The following B3GALT4 variants were observed in gnomAD, a reference collection of about 807,000 sequenced individuals.
B3GALT4 encodes the protein beta-1,3-galactosyltransferase 4, also known as UDP-Gal:betaGlcNAc beta 1,3-galactosyltransferase 4.
In B3GALT4, 1 loss-of-function variant was observed where a neutral mutation model predicts 1.6. The ratio of observed to expected loss-of-function variants is 0.64; its 90% CI spans 0.23 to 3.05. B3GALT4 has a LOEUF of 3.05. Ranked by LOEUF, B3GALT4 falls within the 30% of genes most tolerant of loss-of-function variation. The pLI is 0.21. For missense variants in B3GALT4, 441 were observed against 486.9 expected (o/e 0.91, Z 0.89); for synonymous variants, 259 against 222.6 (o/e 1.16, Z -1.46).
chr6:33,277,683 C>A lies in B3GALT4; in HGVS notation c.264C>A (p.Asn88Lys). 1 of 1,613,930 alleles carries A rather than the reference C, an allele frequency of 6.2e-7. No individual in the cohort carries two copies. The highest frequency in any genetic ancestry group is 8.5e-7 in the Non-Finnish European group (1 of 1,180,018). Residue 88 changes from asparagine (N) to lysine (K), a missense_variant, in exon 1 of 1, where the codon AAC (asparagine) becomes AAA (lysine). Asn to Lys is a moderately conservative substitution (Grantham distance 94). Transcript: ENST00000451237. This position sits in a 1 kb window ranked among gnomAD's most constrained non-coding sequence, Gnocchi z 5.3. ...CTCCGGAGAACCTGAACCAGAGAAA[C>A]GCCATTCGGGCTTCGTGGGGCGGGC... is the stretch of plus-strand genomic sequence containing the variant. ...CTAPENLNQR[N>K]AIRASWGGLR...
Position 33,278,010 on chromosome 6 carries a change from G to A in B3GALT4, c.591G>A (p.Gly197=), listed in dbSNP as rs747791233. 1.2e-5 allele frequency: 19 copies of A among 1,614,120 alleles called. 1 individual carries two copies. In the South Asian group the frequency reaches 1.8e-4, roughly 15 times the overall value. The change falls in exon 1 of 1, where the codon GGG becomes GGA. Residue 197 remains glycine, a synonymous_variant. Coordinates refer to ENST00000451237, the MANE Select transcript of B3GALT4 (RefSeq NM_003782.4). This position sits in a 1 kb window ranked among gnomAD's most constrained non-coding sequence, Gnocchi z 5.2. ...SELVLRGGRW[G]QWERSTEPQR... Reference sequence around the variant, plus strand: ...TGGTCTTGCGAGGGGGCCGTTGGGGGCAATGGGAGAGAAGCACGGAACCCC... The same window carrying A: ...TGGTCTTGCGAGGGGGCCGTTGGGGACAATGGGAGAGAAGCACGGAACCCC...
In B3GALT4 at chr6:33,277,775, C is replaced by T; in HGVS notation, c.356C>T (p.Pro119Leu). ...FLLGEPNAQHPVWGSQGSDLA... is the reference protein window; with the variant it reads ...FLLGEPNAQHLVWGSQGSDLA... ...CTGGGAGAGCCGAACGCACAGCACC[C>T]CGTGTGGGGTTCCCAGGGGAGTGAC... is the stretch of plus-strand genomic sequence containing the variant. Residue 119 changes from proline (P) to leucine (L), a missense_variant, in exon 1 of 1, where the codon CCC (proline) becomes CTC (leucine). By Grantham distance (98) the Pro-to-Leu change is moderately conservative. Coordinates refer to ENST00000451237, the MANE Select transcript of B3GALT4 (RefSeq NM_003782.4). This position sits in a 1 kb window ranked among gnomAD's most constrained non-coding sequence, Gnocchi z 5.3. The T allele has an allele frequency of 6.2e-7, 1 of 1,613,744 alleles. No individual in the cohort carries two copies. The highest frequency in any genetic ancestry group is 8.5e-7 in the Non-Finnish European group (1 of 1,180,016).
chr6:33,278,038 A>G lies in B3GALT4; in HGVS notation c.619A>G (p.Arg207Gly), dbSNP rs775748916. 1.2e-6 allele frequency: 2 copies of G among 1,614,018 alleles called. No individual in the cohort carries two copies. Among genetic ancestry groups the G allele is most frequent in the Non-Finnish European group, 1.7e-6 (2 of 1,179,926 alleles). ...ATGGGAGAGAAGCACGGAACCCCAG[A>G]GAGAGGCTGAGCAGGAAGGAGGCCA... ...GQWERSTEPQ[R>G]EAEQEGGQVL... is the part of the protein sequence containing the mutation. Residue 207 changes from arginine to glycine, a missense_variant, in exon 1 of 1, where the codon AGA (arginine) becomes GGA (glycine). Transcript: ENST00000451237. This position sits in a 1 kb window ranked among gnomAD's most constrained non-coding sequence, Gnocchi z 5.2.
chr6:33,278,496 C>A lies in B3GALT4; in HGVS notation c.1077C>A (p.Ser359=). 6.3e-7 allele frequency: 1 copy of A among 1,586,282 alleles called. No homozygotes were observed. Among genetic ancestry groups the A allele is most frequent in the Non-Finnish European group, 8.6e-7 (1 of 1,165,272 alleles). Reference sequence around the variant, plus strand: ...GGGAAAGGACTGCGCCCTTTTGCTCCTGGTTCCAGGGAGTCCTGGGCATCC... The same window carrying A: ...GGGAAAGGACTGCGCCCTTTTGCTCATGGTTCCAGGGAGTCCTGGGCATCC... The part of the protein sequence containing the change: ...SDGERTAPFC[S]WFQGVLGILR... Residue 359 remains serine, a synonymous_variant, in exon 1 of 1, where the codon TCC becomes TCA. Coordinates refer to ENST00000451237, the MANE Select transcript of B3GALT4 (RefSeq NM_003782.4). The surrounding 1 kb of genome is among the most constrained non-coding windows in gnomAD (Gnocchi z 5.2).
chr6:33,277,214 G>A lies in B3GALT4; in HGVS notation c.-206G>A. The A allele has an allele frequency of 2.5e-6, 2 of 796,686 alleles. No homozygotes were observed. The highest frequency in any genetic ancestry group is 1.8e-6 in the Non-Finnish European group (1 of 551,786). The allele number at this position is 796,686 out of a possible 1,614,324, so 49.4% of individuals were successfully genotyped here. ...AGCTTGCTGGCGGCGAGGCCGCGGC[G>A]ACAAGGTAGCCACCCCCGCAGCATG... On this transcript the variant is annotated 5_prime_UTR_variant, in exon 1 of 1. Transcript: ENST00000451237. This position sits in a 1 kb window ranked among gnomAD's most constrained non-coding sequence, Gnocchi z 5.3.
rs1266422864 is a variant in B3GALT4, at chr6:33,277,353, T to A, written c.-67T>A. The A allele has an allele frequency of 6.4e-6, 10 of 1,552,200 alleles. No homozygotes were observed. Among genetic ancestry groups the A allele is most frequent in the East Asian group, 2.3e-5 (1 of 44,266 alleles). On this transcript the variant is annotated 5_prime_UTR_variant, in exon 1 of 1. Coordinates refer to ENST00000451237, the MANE Select transcript of B3GALT4 (RefSeq NM_003782.4). The surrounding 1 kb of genome is among the most constrained non-coding windows in gnomAD (Gnocchi z 5.3). ...GCGTGGTCGGTTAAGTCCCCGGCCGTGACCCAGGCCCGGGGAGCTAGTCTC... is the reference window on the plus strand; with the variant it reads ...GCGTGGTCGGTTAAGTCCCCGGCCGAGACCCAGGCCCGGGGAGCTAGTCTC...
chr6:33,277,969 G>T lies in B3GALT4; in HGVS notation c.550G>T (p.Glu184Ter). 6.2e-7 allele frequency: 1 copy of T among 1,614,208 alleles called. No homozygotes were observed. The highest frequency in any genetic ancestry group is 8.5e-7 in the Non-Finnish European group (1 of 1,180,028). The change falls in exon 1 of 1, where the codon GAA (glutamate) becomes TAA (stop). Residue 184 changes from glutamate (E) to a stop codon, truncating the protein, a stop_gained. Coordinates refer to ENST00000451237, the MANE Select transcript of B3GALT4 (RefSeq NM_003782.4). LOFTEE classifies it low-confidence loss of function (END_TRUNC). The surrounding 1 kb of genome is among the most constrained non-coding windows in gnomAD (Gnocchi z 5.3). ...TDDDVYVNVP[E>*]LVSELVLRGG... ...CGATGATGTGTATGTCAACGTCCCT[G>T]AACTGGTATCAGAGCTGGTCTTGCG...
chr6:33,277,150 A>C lies in B3GALT4; in HGVS notation c.-270A>C. The C allele has an allele frequency of 2.5e-6, 1 of 404,788 alleles. No individual in the cohort carries two copies. The highest frequency in any genetic ancestry group is 4.3e-6 in the Non-Finnish European group (1 of 234,822). 25.1% of individuals were successfully genotyped at this position (404,788 alleles called of 1,614,324 possible). A position where few individuals can be genotyped will look rare whatever the true frequency, so the allele number is the denominator to read the frequency against. On this transcript the variant is annotated 5_prime_UTR_variant, in exon 1 of 1. Transcript: ENST00000451237. This position sits in a 1 kb window ranked among gnomAD's most constrained non-coding sequence, Gnocchi z 5.3. ...ACCGGCCGCCGGGGCGAGGCGGGGG[A>C]GGGGCCGTGAGTGCCGCAGTCGGCC...
Position 33,278,034 on chromosome 6 carries a change from CCA to C in B3GALT4, c.616_617del (p.Gln206GlufsTer4). The C allele has an allele frequency of 6.2e-7, 1 of 1,614,034 alleles. No homozygotes were observed. The highest frequency in any genetic ancestry group is 8.5e-7 in the Non-Finnish European group (1 of 1,179,946). On this transcript the variant is annotated frameshift_variant, in exon 1 of 1. Coordinates refer to ENST00000451237, the MANE Select transcript of B3GALT4 (RefSeq NM_003782.4). LOFTEE classifies it low-confidence loss of function (END_TRUNC). The surrounding 1 kb of genome is among the most constrained non-coding windows in gnomAD (Gnocchi z 5.2). ...GGCAATGGGAGAGAAGCACGGAACC[CCA>C]GAGAGAGGCTGAGCAGGAAGGAGGC... ...WGQWERSTEPQREAEQEGGQV... is the reference protein window; with the variant it reads ...WGQWERSTEPXREAEQEGGQV...
At position 33,278,199 on chromosome 6, in the gene B3GALT4, C is replaced by G. The variant is rs1157686368; in HGVS notation, c.780C>G (p.Pro260=). The change falls in exon 1 of 1, where the codon CCC becomes CCG. Residue 260 remains proline (P), a synonymous_variant. Transcript: ENST00000451237. This position sits in a 1 kb window ranked among gnomAD's most constrained non-coding sequence, Gnocchi z 5.2. ...QWPHTWGPFP[P]YASGTGYVLS... is the part of the protein sequence containing the mutation. Reference sequence around the variant, plus strand: ...CTCACACCTGGGGCCCCTTTCCACCCTATGCCTCAGGCACGGGGTATGTGC... The same window carrying G: ...CTCACACCTGGGGCCCCTTTCCACCGTATGCCTCAGGCACGGGGTATGTGC... 2 of 1,612,162 alleles carry G rather than the reference C, an allele frequency of 1.2e-6. No homozygotes were observed. Among genetic ancestry groups the G allele is most frequent in the Admixed American group, 1.7e-5 (1 of 60,004 alleles).
chr6:33,278,385 C>T lies in B3GALT4; in HGVS notation c.966C>T (p.Cys322=). 1.2e-6 allele frequency: 2 copies of T among 1,607,284 alleles called. No homozygotes were observed. Among genetic ancestry groups the T allele is most frequent in the Non-Finnish European group, 1.7e-6 (2 of 1,175,738 alleles). ...AGATHYPLDR[C]CYGKFLLTSH... ...CCACCCACTACCCGCTAGACCGGTG[C>T]TGCTATGGGAAATTCCTGCTGACGT... is the stretch of plus-strand genomic sequence containing the variant. The change falls in exon 1 of 1, where the codon TGC becomes TGT. Residue 322 remains cysteine (C), a synonymous_variant. Transcript: ENST00000451237. The surrounding 1 kb of genome is among the most constrained non-coding windows in gnomAD (Gnocchi z 5.2).
rs1765809541 is a variant in B3GALT4, at chr6:33,278,305, G to T, written c.886G>T (p.Val296Leu). 6.2e-7 allele frequency: 1 copy of T among 1,613,694 alleles called. No individual in the cohort carries two copies. Among genetic ancestry groups the T allele is most frequent in the Non-Finnish European group, 8.5e-7 (1 of 1,179,846 alleles). Residue 296 changes from valine to leucine, a missense_variant, in exon 1 of 1, where the codon GTA becomes TTA. Physicochemically the swap from Val to Leu is conservative, Grantham distance 32. Transcript: ENST00000451237. The surrounding 1 kb of genome is among the most constrained non-coding windows in gnomAD (Gnocchi z 5.2). Reference protein sequence around the residue: ...LLPLEDVFVGVSARRGGLAPT... With the variant: ...LLPLEDVFVGLSARRGGLAPT... The stretch of plus-strand genomic sequence containing the variant: ...CCCATTAGAGGATGTCTTTGTGGGG[G>T]TAAGTGCCCGACGAGGAGGCCTCGC...
In B3GALT4 at chr6:33,277,412, G is replaced by T; in HGVS notation, c.-8G>T. On this transcript the variant is annotated 5_prime_UTR_variant, in exon 1 of 1. Transcript: ENST00000451237. This position sits in a 1 kb window ranked among gnomAD's most constrained non-coding sequence, Gnocchi z 5.3. ...GCTCTTACGGATCCCCTCGGAGTAC[G>T]CCGCACCATGCAGCTCAGGCTCTTC... The T allele has an allele frequency of 6.2e-7, 1 of 1,609,356 alleles. No individual in the cohort carries two copies. Among genetic ancestry groups the T allele is most frequent in the South Asian group, 1.1e-5 (1 of 90,882 alleles).
chr6:33,278,617 GGGGCCCTCA>G lies in B3GALT4; in HGVS notation c.*62_*70del. On this transcript the variant is annotated 3_prime_UTR_variant, in exon 1 of 1. Coordinates refer to ENST00000451237, the MANE Select transcript of B3GALT4 (RefSeq NM_003782.4). This position sits in a 1 kb window ranked among gnomAD's most constrained non-coding sequence, Gnocchi z 5.2. ...CCTTCTCTCTCCCAGGCCCAACGCA[GGGGCCCTCA>G]CTGGCTGCAGCTGATCTGTTTCCTT... is the stretch of plus-strand genomic sequence containing the variant. The G allele has an allele frequency of 1.3e-6, 2 of 1,500,708 alleles. No individual in the cohort carries two copies. The highest frequency in any genetic ancestry group is 4.7e-5 in the Admixed American group (2 of 42,370). 93.0% of individuals were successfully genotyped at this position (1,500,708 alleles called of 1,614,324 possible). A position where few individuals can be genotyped will look rare whatever the true frequency, so the allele number is the denominator to read the frequency against.
Position 33,277,309 on chromosome 6 carries a change from T to A in B3GALT4, c.-111T>A. On this transcript the variant is annotated 5_prime_UTR_variant, in exon 1 of 1. Coordinates refer to ENST00000451237, the MANE Select transcript of B3GALT4 (RefSeq NM_003782.4). The surrounding 1 kb of genome is among the most constrained non-coding windows in gnomAD (Gnocchi z 5.3). ...GGGTGCGCTGGTCCCGGTCGCGCGC[T>A]CAGACCTCCGCATCCCGGGCGTGGT... is the stretch of plus-strand genomic sequence containing the variant. The A allele has an allele frequency of 6.7e-7, 1 of 1,489,650 alleles. No individual in the cohort carries two copies. Among genetic ancestry groups the A allele is most frequent in the Non-Finnish European group, 8.9e-7 (1 of 1,129,050 alleles). The allele number at this position is 1,489,650 out of a possible 1,614,324, so 92.3% of individuals were successfully genotyped here. A position where few individuals can be genotyped will look rare whatever the true frequency, so the allele number is the denominator to read the frequency against.
chr6:33,278,174 C>T lies in B3GALT4; in HGVS notation c.755C>T (p.Pro252Leu). ...CACCGCGTATCAGAGGAGCAGTGGC[C>T]TCACACCTGGGGCCCCTTTCCACCC... ...GRHRVSEEQW[P>L]HTWGPFPPYA... Residue 252 changes from proline (P) to leucine (L), a missense_variant, in exon 1 of 1, where the codon CCT becomes CTT. Pro to Leu is a moderately conservative substitution (Grantham distance 98). Transcript: ENST00000451237. This position sits in a 1 kb window ranked among gnomAD's most constrained non-coding sequence, Gnocchi z 5.2. 1 of 1,612,776 alleles carries T rather than the reference C, an allele frequency of 6.2e-7. No individual in the cohort carries two copies. Among genetic ancestry groups the T allele is most frequent in the Non-Finnish European group, 8.5e-7 (1 of 1,179,912 alleles).
At position 33,277,962 on chromosome 6, in the gene B3GALT4, C is replaced by T. The variant is rs763315454; in HGVS notation, c.543C>T (p.Asn181=). 6 of 1,614,076 alleles carry T rather than the reference C, an allele frequency of 3.7e-6. No homozygotes were observed. The African/African-American group carries it at 4.0e-5, about 11-fold the overall frequency. ...AGACGGACGATGATGTGTATGTCAACGTCCCTGAACTGGTATCAGAGCTGG... is the reference window on the plus strand; with the variant it reads ...AGACGGACGATGATGTGTATGTCAATGTCCCTGAACTGGTATCAGAGCTGG... ...VLKTDDDVYV[N]VPELVSELVL... The change falls in exon 1 of 1, where the codon AAC becomes AAT. Residue 181 remains asparagine (N), a synonymous_variant. Transcript: ENST00000451237. The surrounding 1 kb of genome is among the most constrained non-coding windows in gnomAD (Gnocchi z 5.3).
chr6:33,277,771 C>T lies in B3GALT4; in HGVS notation c.352C>T (p.His118Tyr), dbSNP rs1329843116. ...LFLLGEPNAQ[H>Y]PVWGSQGSDL... The stretch of plus-strand genomic sequence containing the variant: ...CTTGCTGGGAGAGCCGAACGCACAG[C>T]ACCCCGTGTGGGGTTCCCAGGGGAG... The change falls in exon 1 of 1, where the codon CAC becomes TAC. Residue 118 changes from histidine (H) to tyrosine (Y), a missense_variant. Physicochemically the swap from His to Tyr is moderately conservative, Grantham distance 83 (BLOSUM62 2). Transcript: ENST00000451237. This position sits in a 1 kb window ranked among gnomAD's most constrained non-coding sequence, Gnocchi z 5.3. The T allele has an allele frequency of 6.2e-6, 10 of 1,613,634 alleles. No individual in the cohort carries two copies. Among genetic ancestry groups the T allele is most frequent in the Non-Finnish European group, 8.5e-6 (10 of 1,180,026 alleles).
At position 33,278,238 on chromosome 6, in the gene B3GALT4, T is replaced by G; in HGVS notation, c.819T>G (p.Ala273=). ...SGTGYVLSAS[A]VQLILKVASR... Reference sequence around the variant, plus strand: ...CGGGGTATGTGCTGTCAGCGTCTGCTGTGCAGCTCATTCTCAAGGTGGCCA... The same window carrying G: ...CGGGGTATGTGCTGTCAGCGTCTGCGGTGCAGCTCATTCTCAAGGTGGCCA... Residue 273 remains alanine (A), a synonymous_variant, in exon 1 of 1, where the codon GCT becomes GCG. Transcript: ENST00000451237. This position sits in a 1 kb window ranked among gnomAD's most constrained non-coding sequence, Gnocchi z 5.2. The G allele has an allele frequency of 6.2e-7, 1 of 1,612,876 alleles. No homozygotes were observed. Among genetic ancestry groups the G allele is most frequent in the Non-Finnish European group, 8.5e-7 (1 of 1,180,016 alleles).
Sources: allele counts gnomAD v4.1 joint callset, GRCh38; gene constraint gnomAD v4.1.1; non-coding constraint Gnocchi (gnomAD v3.1); transcripts MANE v1.5; gene names NCBI Gene and HGNC (gene_info 2026-07-23, HGNC 2026-07-21).